Variants in CSMD1 observed in about 807,000 individuals in gnomAD.
CSMD1 encodes the protein CUB and Sushi multiple domains 1.
CSMD1 carries 213 observed loss-of-function variants against 417.5 expected under a neutral mutation model. The ratio of observed to expected loss-of-function variants is 0.51; its 90% CI spans 0.46 to 0.57. The LOEUF (loss-of-function observed/expected upper bound fraction) is 0.57, where lower values mean the gene tolerates loss of function less well. Among genes scored for constraint, CSMD1 ranks in the 20% least tolerant of loss-of-function variants. The pLI is 0.00. For synonymous variants in CSMD1, 2,862 were observed against 1,736.8 expected, an observed-to-expected ratio of 1.65 and a Z score of -16.11; for missense variants, 6,923 against 4,529.7, an observed-to-expected ratio of 1.53 and a Z score of -15.17.
intron 10 of CSMD1, among the ~76,000 whole-genome samples, chr8:3,525,077 A>G (rs1470364737): frequency 1.3e-5 from 2 of 152,192 alleles, no homozygotes; most frequent in African/African-American, 4.8e-5. Context: ...AAAGCCAACT[A>G]AAGTGAATCT....
intron 5 of CSMD1, among the ~76,000 whole-genome samples, chr8:3,983,832 G>T (rs145430047): frequency 6.6e-6 from 1 of 152,074 alleles, no homozygotes; most frequent in Non-Finnish European, 1.5e-5. Context: ...GCACCTGGCA[G>T]ATCTGGCCGG....
At position 4,478,757 on chromosome 8, in the gene CSMD1, T is replaced by C. The variant is rs1054657629; in HGVS notation, c.303-58692A>G. 5.2e-4 allele frequency among the ~76,000 whole-genome samples: 79 copies of C among 152,210 alleles called. 1 individual carries two copies. Among genetic ancestry groups the C allele is most frequent in the Non-Finnish European group, 1.8e-4 (12 of 68,036 alleles). ...TTTTTCCTTAGCTCATAGAAATTCA[T>C]AAAATATGTAACAAATTTTAATGGC... On this transcript the variant is annotated intron_variant, in intron 2 of 69. Transcript: ENST00000635120.
chr8:3,441,748 T>C (rs1265920848), intron 12 of CSMD1, among the ~76,000 whole-genome samples: 1 of 152,132 alleles, frequency 6.6e-6, no homozygotes, highest in Non-Finnish European at 1.5e-5. Flanking sequence ...ACACAGCAGG[T>C]AACACTTGAT....
chr8:4,169,842 A>G (rs1797666283), intron 3 of CSMD1, among the ~76,000 whole-genome samples: 1 of 152,132 alleles, frequency 6.6e-6, no homozygotes. Flanking sequence ...AATTATTTCC[A>G]TAGCATGCGT....
At chr8:4,294,584 C>T (rs1563404542) in intron 3 of CSMD1, among the ~76,000 whole-genome samples, 3 of 152,048 alleles carry the variant, frequency 2.0e-5, no homozygotes, top group Admixed American at 2.0e-4. Context: ...GAAGTGAAAC[C>T]AGAAACCAGG....
intron 2 of CSMD1, among the ~76,000 whole-genome samples, chr8:4,450,955 A>C (rs936318577): frequency 4.6e-5 from 7 of 152,068 alleles, no homozygotes; most frequent in African/African-American, 1.7e-4. Context: ...TACAACTAAG[A>C]TCTACAGTAA....
chr8:4,699,607 G>A (rs181362899), intron 1 of CSMD1, among the ~76,000 whole-genome samples: 2 of 152,154 alleles, frequency 1.3e-5, no homozygotes, highest in Non-Finnish European at 2.9e-5. Flanking sequence ...CAGAGCTCTT[G>A]GCATTTATTT....
intron 3 of CSMD1, among the ~76,000 whole-genome samples, chr8:4,100,840 C>T (rs1801267483): frequency 1.3e-5 from 2 of 152,044 alleles, no homozygotes. Context: ...ACTGTAAAAG[C>T]AAGAGCCTCA....
intron 11 of CSMD1, among the ~76,000 whole-genome samples, chr8:3,487,166 C>T (rs1377983889): frequency 6.6e-6 from 1 of 151,886 alleles, no homozygotes; most frequent in African/African-American, 2.4e-5. Context: ...CCGCTCTCTT[C>T]AGACAACAGT....
At chr8:3,595,905 G>C (rs892151342) in intron 8 of CSMD1, among the ~76,000 whole-genome samples, 3 of 152,186 alleles carry the variant, frequency 2.0e-5, no homozygotes, top group Non-Finnish European at 2.9e-5. Context: ...GGGAATCATG[G>C]CTTGGGAAGG....
At chr8:4,568,300 G>T (rs1413560711) in intron 2 of CSMD1, among the ~76,000 whole-genome samples, 1 of 151,920 alleles carries the variant, frequency 6.6e-6, no homozygotes, top group African/African-American at 2.4e-5. Context: ...CACCCGAAAG[G>T]CCCGTCTATG....
chr8:4,094,514 T>A (rs1800897080), intron 3 of CSMD1, among the ~76,000 whole-genome samples: 2 of 152,130 alleles, frequency 1.3e-5, no homozygotes, highest in African/African-American at 4.8e-5. Context: ...GGTGGAGGAA[T>A]CTAACTTTCA....
At chr8:4,992,301 T>C (rs1478165487) in intron 1 of CSMD1, among the ~76,000 whole-genome samples, 1 of 151,664 alleles carries the variant, frequency 6.6e-6, no homozygotes, top group Admixed American at 6.5e-5. Flanking sequence ...GGCACACACG[T>C]GTGCGGATTA....
At chr8:3,644,163 A>T (rs1378401205) in intron 7 of CSMD1, among the ~76,000 whole-genome samples, 1 of 152,194 alleles carries the variant, frequency 6.6e-6, no homozygotes, top group Non-Finnish European at 1.5e-5. Context: ...TTAGGCCCCC[A>T]ATGTAGACTT....
intron 23 of CSMD1, among the ~76,000 whole-genome samples, chr8:3,336,426 T>C (rs1365963366): frequency 6.6e-6 from 1 of 152,232 alleles, no homozygotes; most frequent in Non-Finnish European, 1.5e-5. Context: ...TAAATTCATA[T>C]AGCACTTGGA....
intron 11 of CSMD1, among the ~76,000 whole-genome samples, chr8:3,470,414 A>C (rs4875715): frequency 0.035 from 5,318 of 152,300 alleles, 209 homozygotes; most frequent in East Asian, 0.19. Flanking sequence ...AAGAGATTAC[A>C]TGTATTATTT....
intron 1 of CSMD1, among the ~76,000 whole-genome samples, chr8:4,766,600 C>T (rs1018333898): frequency 3.9e-5 from 6 of 152,136 alleles, no homozygotes; most frequent in East Asian, 1.9e-4. Flanking sequence ...GCATTTATTG[C>T]GTGTTTACTG....
intron 2 of CSMD1, among the ~76,000 whole-genome samples, chr8:4,424,600 G>A (rs916845878): frequency 2.0e-5 from 3 of 151,976 alleles, no homozygotes; most frequent in Non-Finnish European, 4.4e-5. Context: ...TACTGCTGGT[G>A]GAAATATAAA....
rs187654503 is a variant in CSMD1 at position 3,840,228 on chromosome 8, A to T, written c.819-86186T>A. Reference sequence around the variant, plus strand: ...GCTTCTGTATGTTTGAACCTTTGAAAAAAAAAGAGACAGCATAAATTAGCC... The same window carrying T: ...GCTTCTGTATGTTTGAACCTTTGAATAAAAAAGAGACAGCATAAATTAGCC... On this transcript the variant is annotated intron_variant, in intron 5 of 69. Coordinates refer to ENST00000635120, the MANE Select transcript of CSMD1 (RefSeq NM_033225.6). Among the ~76,000 whole-genome samples, 90 of 152,276 alleles carry T rather than the reference A, an allele frequency of 5.9e-4. 1 individual carries two copies. In the East Asian group the frequency reaches 6.4e-3, roughly 11 times the overall value.
Sources: gnomAD v4.1 joint callset for allele counts (sites outside exome capture counted in the v4.1 genomes callset) on GRCh38, gnomAD v4.1.1 for gene constraint, MANE v1.5 for transcripts, NCBI Gene and HGNC (gene_info 2026-07-23, HGNC 2026-07-21) for gene names.